Variants in ANKZF1 observed in about 807,000 individuals in gnomAD.
The protein encoded by ANKZF1 is tRNA endonuclease ANKZF1.
ANKZF1 carries 84 observed loss-of-function variants against 86.0 expected under a neutral mutation model. The ratio of observed to expected loss-of-function variants is 0.98; its 90% CI spans 0.82 to 1.17. The LOEUF (loss-of-function observed/expected upper bound fraction) is 1.17, where lower values mean the gene tolerates loss of function less well. ANKZF1 is among the 50% of genes most tolerant of loss of function. The probability of loss-of-function intolerance (pLI) is 0.00; values close to 1 mark genes in which losing one functional copy is unlikely to be tolerated. For missense variants in ANKZF1, 893 were observed against 918.4 expected, an observed-to-expected ratio of 0.97 and a Z score of 0.36; for synonymous variants, 331 against 354.2, an observed-to-expected ratio of 0.93 and a Z score of 0.74.
In ANKZF1 at chr2:219,235,850, T is replaced by A; in HGVS notation, c.1946T>A (p.Phe649Tyr). The change falls in exon 12 of 14, where the codon TTT becomes TAT. Residue 649 changes from phenylalanine (F) to tyrosine (Y), a missense_variant. By Grantham distance (22) the Phe-to-Tyr change is conservative. Transcript: ENST00000323348. ...CGTGAACGAGAAGAGCAGCGGCGAT[T>A]TGCCGCCCTCAGTGACCGAGAGAAG... Reference protein sequence around the residue: ...EEREREEQRRFAALSDREKRA... With the variant: ...EEREREEQRRYAALSDREKRA... The A allele has an allele frequency of 6.2e-7, 1 of 1,614,112 alleles. No individual in the cohort carries two copies. The highest frequency in any genetic ancestry group is 8.5e-7 in the Non-Finnish European group (1 of 1,180,026).
In ANKZF1 at chr2:219,235,559, G is replaced by C. The variant is rs1198701436; in HGVS notation, c.1777G>C (p.Asp593His). 1 of 1,613,958 alleles carries C rather than the reference G, an allele frequency of 6.2e-7. No individual in the cohort carries two copies. Among genetic ancestry groups the C allele is most frequent in the East Asian group, 2.2e-5 (1 of 44,866 alleles). Residue 593 changes from aspartate (D) to histidine (H), a missense_variant, in exon 11 of 14, where the codon GAT (aspartate) becomes CAT (histidine). Physicochemically the swap from Asp to His is moderately conservative, Grantham distance 81. Coordinates refer to ENST00000323348, the MANE Select transcript of ANKZF1 (RefSeq NM_018089.3). ...EFRRFMEKNP[D>H]AYDYNKAQVP... ...CCGAAGGTTCATGGAGAAGAATCCA[G>C]ATGCCTACGATTACAACAAGGCTCA...
In ANKZF1 at chr2:219,232,590, C is replaced by T; in HGVS notation, c.465C>T (p.Ser155=). The T allele has an allele frequency of 1.2e-6, 2 of 1,614,154 alleles. No homozygotes were observed. Among genetic ancestry groups the T allele is most frequent in the Non-Finnish European group, 1.7e-6 (2 of 1,180,044 alleles). Residue 155 remains serine, a synonymous_variant, in exon 5 of 14, where the codon AGC becomes AGT. Transcript: ENST00000323348. ...AGAGGGCTACATTTGAGAAGTTGAG[C>T]CGACCCCCAGGCTTTTACCCTCATC... ...DRERATFEKL[S]RPPGFYPHRV... is the part of the protein sequence containing the mutation.
intron 2 of ANKZF1, chr2:219,230,790 G>A (rs1031703158): frequency 6.3e-6 from 1 of 157,538 alleles, no homozygotes; most frequent in African/African-American, 2.4e-5. Context: ...CCAGGCTAAA[G>A]TGCAGTGGCA....
In ANKZF1 at chr2:219,232,673, G is replaced by GCC. The variant is rs779316411; in HGVS notation, c.550_551dup (p.His185LeufsTer45). On this transcript the variant is annotated frameshift_variant, in exon 5 of 14. Coordinates refer to ENST00000323348, the MANE Select transcript of ANKZF1 (RefSeq NM_018089.3). LOFTEE classifies it high-confidence loss of function. ...CTTTATGCCTACCGCTGTGTCCTAG[G>GCC]CCCTCATCAGGCAAGTGACAGTACA... 6.2e-7 allele frequency: 1 copy of GCC among 1,613,820 alleles called. No homozygotes were observed. The highest frequency in any genetic ancestry group is 8.5e-7 in the Non-Finnish European group (1 of 1,179,992).
chr2:219,230,400 G>A lies in ANKZF1; in HGVS notation c.143G>A (p.Cys48Tyr), dbSNP rs1484771878. The part of the protein sequence containing the change: ...EALARAPRTS[C>Y]SGSGERESPE... ...CTGGCCCGGGCTCCGCGTACTTCCT[G>A]TTCAGGTATCCTGGAAGGTTTCGTG... The change falls in exon 2 of 14, where the codon TGT becomes TAT. Residue 48 changes from cysteine (C) to tyrosine (Y), a missense_variant. Transcript: ENST00000323348. 4 of 1,606,702 alleles carry A rather than the reference G, an allele frequency of 2.5e-6. No homozygotes were observed. Among genetic ancestry groups the A allele is most frequent in the Admixed American group, 1.7e-5 (1 of 59,442 alleles).
Position 219,230,276 on chromosome 2 carries a change from G to T in ANKZF1, c.19G>T (p.Ala7Ser). 1 of 1,613,616 alleles carries T rather than the reference G, an allele frequency of 6.2e-7. No homozygotes were observed. Among genetic ancestry groups the T allele is most frequent in the Non-Finnish European group, 8.5e-7 (1 of 1,179,640 alleles). The change falls in exon 2 of 14, where the codon GCA becomes TCA. Residue 7 changes from alanine to serine, a missense_variant. Physicochemically the swap from Ala to Ser is moderately conservative, Grantham distance 99. Transcript: ENST00000323348. ...CTCAGCCATGTCGCCGGCTCCAGAT[G>T]CAGCCCCGGCTCCTGCGTCGATCTC... The part of the protein sequence containing the change: MSPAPD[A>S]APAPASISLF...
In ANKZF1 at chr2:219,233,191, G is replaced by A. The variant is rs1451877331; in HGVS notation, c.671G>A (p.Gly224Glu). ...AGHFAGAIFQ[G>E]REVVTHKTFH... ...CACTTTGCTGGTGCTATATTTCAAG[G>A]GTGAGAGGGTGCTGCATGGGGGTAA... Residue 224 changes from glycine (G) to glutamate (E), a missense_variant and splice_region_variant, in exon 6 of 14, where the codon GGA becomes GAA. Transcript: ENST00000323348. 1 of 1,614,208 alleles carries A rather than the reference G, an allele frequency of 6.2e-7. No homozygotes were observed. Among genetic ancestry groups the A allele is most frequent in the South Asian group, 1.1e-5 (1 of 91,064 alleles).
Position 219,234,181 on chromosome 2 carries a change from G to A in ANKZF1, c.1097G>A (p.Trp366Ter), listed in dbSNP as rs201952175. 2.5e-5 allele frequency: 41 copies of A among 1,613,944 alleles called. No homozygotes were observed. Among genetic ancestry groups the A allele is most frequent in the Non-Finnish European group, 3.4e-5 (40 of 1,180,024 alleles). ...AVRLHSPQTH[W>*]KTVREERKKP... ...AGACTGCACTCACCTCAGACACACT[G>A]GAAAACAGTAAGAGAGGAGAGAAAG... is the stretch of plus-strand genomic sequence containing the variant. The change falls in exon 9 of 14, where the codon TGG becomes TAG. Residue 366 changes from tryptophan (W) to a stop codon, truncating the protein, a stop_gained. Coordinates refer to ENST00000323348, the MANE Select transcript of ANKZF1 (RefSeq NM_018089.3). LOFTEE classifies it high-confidence loss of function.
Position 219,233,363 on chromosome 2 carries a change from A to G in ANKZF1, c.749A>G (p.Asp250Gly). 2 of 1,614,252 alleles carry G rather than the reference A, an allele frequency of 1.2e-6. No individual in the cohort carries two copies. Among genetic ancestry groups the G allele is most frequent in the Non-Finnish European group, 1.7e-6 (2 of 1,180,044 alleles). ...CGGGGCACAGCCCAGGGGCTTCGGG[A>G]TGCCCGAGGTGGGCCATCACACTCT... ...AKRGTAQGLR[D>G]ARGGPSHSAG... The change falls in exon 7 of 14, where the codon GAT becomes GGT. Residue 250 changes from aspartate (D) to glycine (G), a missense_variant. By Grantham distance (94) the Asp-to-Gly change is moderately conservative (BLOSUM62 -1). Transcript: ENST00000323348.
Position 219,236,577 on chromosome 2 carries a change from G to A in ANKZF1, c.*132G>A. The A allele has an allele frequency of 1.7e-6, 2 of 1,208,758 alleles. No homozygotes were observed. The highest frequency in any genetic ancestry group is 2.1e-4 in the Middle Eastern group (1 of 4,772). 74.9% of individuals were successfully genotyped at this position (1,208,758 alleles called of 1,614,324 possible). On this transcript the variant is annotated 3_prime_UTR_variant, in exon 14 of 14. Coordinates refer to ENST00000323348, the MANE Select transcript of ANKZF1 (RefSeq NM_018089.3). ...GGGTGAAGGACACTCGGGAACTAGG[G>A]CAAAGACAGGGCTAGAGGTATGTGG... is the stretch of plus-strand genomic sequence containing the variant.
intron 13 of ANKZF1, 72 bp downstream of exon 13, chr2:219,236,167 T>C (rs1227018939): frequency 1.2e-6 from 2 of 1,601,694 alleles, no homozygotes; most frequent in Non-Finnish European, 1.7e-6. Flanking sequence ...GAGAAATGAG[T>C]ACCTGCACAG....
rs1303996704 is a variant in ANKZF1, at chr2:219,230,420, T to C, written c.148+15T>C. 1 of 1,594,264 alleles carries C rather than the reference T, an allele frequency of 6.3e-7. No individual in the cohort carries two copies. Among genetic ancestry groups the C allele is most frequent in the South Asian group, 1.1e-5 (1 of 89,972 alleles). ...TTCCTGTTCAGGTATCCTGGAAGGT[T>C]TCGTGTGAAACGTGACAGGGCTCCT... On this transcript the variant is annotated intron_variant, in intron 2 of 13. Coordinates refer to ENST00000323348, the MANE Select transcript of ANKZF1 (RefSeq NM_018089.3).
chr2:219,234,508 A>ATGCGTGGATGTGT (rs1475609175), intron 9 of ANKZF1: 1 of 667,588 alleles, frequency 1.5e-6, no homozygotes, highest in African/African-American at 1.8e-5. Context: ...TGTGGAGCAG[A>ATGCGTGGATGTGT]TGCGTGGATG....
At chr2:219,230,476 T>G in intron 2 of ANKZF1, 71 bp downstream of exon 2, 1 of 1,506,624 alleles carries the variant, frequency 6.6e-7, no homozygotes, top group Non-Finnish European at 8.9e-7. Flanking sequence ...GGGAACACAT[T>G]CTTATTGGTA....
chr2:219,236,076 T>C lies in ANKZF1; in HGVS notation c.2038T>C (p.Ser680Pro). The C allele has an allele frequency of 6.2e-7, 1 of 1,614,158 alleles. No homozygotes were observed. Among genetic ancestry groups the C allele is most frequent in the Non-Finnish European group, 8.5e-7 (1 of 1,180,032 alleles). The change falls in exon 13 of 14, where the codon TCT becomes CCT. Residue 680 changes from serine (S) to proline (P), a missense_variant. Ser to Pro is a moderately conservative substitution (Grantham distance 74, BLOSUM62 -1). Coordinates refer to ENST00000323348, the MANE Select transcript of ANKZF1 (RefSeq NM_018089.3). Reference protein sequence around the residue: ...LGAPTSPIPDSAIVNTRRCWS... With the variant: ...LGAPTSPIPDPAIVNTRRCWS... The stretch of plus-strand genomic sequence containing the variant: ...AGCCCCTACCTCTCCAATCCCTGAC[T>C]CTGCAATCGTCAATACTCGGTATGG...
chr2:219,236,206 G>C, intron 13 of ANKZF1, 111 bp downstream of exon 13: 1 of 1,601,680 alleles, frequency 6.2e-7, no homozygotes, highest in South Asian at 1.1e-5. Flanking sequence ...AGGGAATTTG[G>C]GATGTTCTGG....
chr2:219,233,674 G>GC, intron 7 of ANKZF1, 41 bp from the exon 8 acceptor site: 1 of 1,551,740 alleles, frequency 6.4e-7, no homozygotes, highest in Non-Finnish European at 8.7e-7. Context: ...TTTATAAATA[G>GC]CAAGTGAAGG....
At position 219,229,838 on chromosome 2, in the gene ANKZF1, G is replaced by A. The variant is rs1243516846; in HGVS notation, c.-93G>A. On this transcript the variant is annotated 5_prime_UTR_variant, in exon 1 of 14. It adds an upstream start codon to the 5' untranslated region. Transcript: ENST00000323348. This position sits in a 1 kb window ranked among gnomAD's most constrained non-coding sequence, Gnocchi z 4.2. Reference sequence around the variant, plus strand: ...CTGCTCCGTAGTGACGGGGATTGTTGTGTTGCAGAAATCCGGCAATCGACC... The same window carrying A: ...CTGCTCCGTAGTGACGGGGATTGTTATGTTGCAGAAATCCGGCAATCGACC... The A allele has an allele frequency of 5.8e-6, 1 of 173,266 alleles. No homozygotes were observed. The highest frequency in any genetic ancestry group is 1.3e-5 in the Non-Finnish European group (1 of 79,480). 10.7% of individuals were successfully genotyped at this position (173,266 alleles called of 1,614,324 possible). A position where few individuals can be genotyped will look rare whatever the true frequency, so the allele number is the denominator to read the frequency against.
At position 219,234,970 on chromosome 2, in the gene ANKZF1, A is replaced by T; in HGVS notation, c.1349A>T (p.Gln450Leu). 1 of 1,614,250 alleles carries T rather than the reference A, an allele frequency of 6.2e-7. No individual in the cohort carries two copies. Among genetic ancestry groups the T allele is most frequent in the Non-Finnish European group, 8.5e-7 (1 of 1,180,042 alleles). ...AATAAGAAGGAGAAAAGCCGAGACCAGGAGGCTGGGGCACATCGGACTCTT... is the reference window on the plus strand; with the variant it reads ...AATAAGAAGGAGAAAAGCCGAGACCTGGAGGCTGGGGCACATCGGACTCTT... ...KRNKKEKSRD[Q>L]EAGAHRTLLQ... is the part of the protein sequence containing the mutation. Residue 450 changes from glutamine to leucine, a missense_variant, in exon 10 of 14, where the codon CAG (glutamine) becomes CTG (leucine). Transcript: ENST00000323348.
Sources: gnomAD v4.1 joint callset for allele counts on GRCh38, gnomAD v4.1.1 for gene constraint, Gnocchi (gnomAD v3.1) non-coding constraint, MANE v1.5 for transcripts, NCBI Gene and HGNC (gene_info 2026-07-23, HGNC 2026-07-21) for gene names.